FRMPD2: variants seen among roughly 807,000 people sequenced by gnomAD.
FRMPD2 encodes the protein FERM and PDZ domain-containing protein 2.
FRMPD2 carries 96 observed loss-of-function variants against 140.1 expected under a neutral mutation model. That is an observed-to-expected ratio of 0.69 (90% CI 0.58 to 0.81). The LOEUF is 0.81. FRMPD2 is among the 40% of genes least tolerant of loss of function. The pLI, the probability that FRMPD2 is intolerant of heterozygous loss-of-function variation, is 0.00. For synonymous variants in FRMPD2, 449 were observed against 547.6 expected (o/e 0.82, Z 2.52); for missense variants, 1,240 against 1,447.4 (o/e 0.86, Z 2.32).
chr10:48,222,766 G>A (rs556559468), intron 11 of FRMPD2, among the ~76,000 whole-genome samples: 3 of 152,242 alleles, frequency 2.0e-5, no homozygotes, highest in African/African-American at 7.2e-5. Context: ...AAAGACGCAG[G>A]GATCAAACTG....
chr10:48,242,270 G>T lies in FRMPD2; in HGVS notation c.458C>A (p.Ser153Ter), dbSNP rs144037011. Residue 153 changes from serine (S) to a stop codon, truncating the protein, a stop_gained, in exon 5 of 29, where the codon TCG becomes TAG. Transcript: ENST00000374201. LOFTEE classifies it high-confidence loss of function. The part of the protein sequence containing the change: ...DQPHRRCTLQ[S>*]VLEACRVHEK... The stretch of plus-strand genomic sequence containing the variant: ...ATGAACCCGACAAGCTTCCAGAACC[G>T]ACTGCAACGTGCACCGCCTGTGAGG... 41 of 1,613,960 alleles carry T rather than the reference G, an allele frequency of 2.5e-5. No homozygotes were observed. The South Asian group carries it at 4.1e-4, about 16-fold the overall frequency.
At position 48,244,716 on chromosome 10, in the gene FRMPD2, C is replaced by T. The variant is rs984894294; in HGVS notation, c.375+68G>A. The T allele has an allele frequency of 3.3e-6, 4 of 1,213,582 alleles. No individual in the cohort carries two copies. In the African/African-American group the frequency reaches 4.5e-5, roughly 14 times the overall value. 75.2% of individuals were successfully genotyped at this position (1,213,582 alleles called of 1,614,324 possible). A position where few individuals can be genotyped will look rare whatever the true frequency, so the allele number is the denominator to read the frequency against. ...GTGCTCAGTAAATGTGGTCCCTGCC[C>T]AGGAGAAAACCACTAAATAAACCCA... is the stretch of plus-strand genomic sequence containing the variant. On this transcript the variant is annotated intron_variant, in intron 4 of 28. Coordinates refer to ENST00000374201, the MANE Select transcript of FRMPD2 (RefSeq NM_001018071.4).
chr10:48,195,240 G>C (rs1243477996), intron 15 of FRMPD2, among the ~76,000 whole-genome samples: 4 of 152,222 alleles, frequency 2.6e-5, no homozygotes, highest in Non-Finnish European at 4.4e-5. Flanking sequence ...GCTGAGCAAA[G>C]GCCCATGGGC....
intron 2 of FRMPD2, among the ~76,000 whole-genome samples, chr10:48,250,295 C>T (rs1328593353): frequency 6.6e-6 from 1 of 152,242 alleles, no homozygotes; most frequent in African/African-American, 2.4e-5. Flanking sequence ...AGCACAGCTC[C>T]TCCCACAGAT....
intron 9 of FRMPD2, among the ~76,000 whole-genome samples, chr10:48,234,108 G>A (rs182335503): frequency 2.6e-5 from 4 of 152,310 alleles, no homozygotes. Context: ...CAGAGTCATG[G>A]GAAGGGAGCT....
At chr10:48,255,380 CT>C (rs1840468892) in intron 1 of FRMPD2, among the ~76,000 whole-genome samples, 1 of 152,208 alleles carries the variant, frequency 6.6e-6, no homozygotes. Flanking sequence ...TTTCCCTGCC[CT>C]TGATCTTTAG....
At chr10:48,238,551 TAA>T (rs1483543652) in intron 7 of FRMPD2, among the ~76,000 whole-genome samples, 3 of 152,124 alleles carry the variant, frequency 2.0e-5, no homozygotes, top group South Asian at 2.1e-4. Flanking sequence ...ATTGGGAAAA[TAA>T]AGTTTTAAAT....
At position 48,232,014 on chromosome 10, in the gene FRMPD2, A is replaced by C. The variant is rs994338155; in HGVS notation, c.1168+101T>G. 5 of 1,059,362 alleles carry C rather than the reference A, an allele frequency of 4.7e-6. No homozygotes were observed. The Admixed American group carries it at 5.4e-5, about 12-fold the overall frequency. The allele number at this position is 1,059,362 out of a possible 1,614,324, so 65.6% of individuals were successfully genotyped here. A position where few individuals can be genotyped will look rare whatever the true frequency, so the allele number is the denominator to read the frequency against. On this transcript the variant is annotated intron_variant, in intron 10 of 28. Transcript: ENST00000374201. ...CTAGGCATACAAAGGGAGGCACCCAAGTCTCAAACAGTTTTCCCAGAAGAA... is the reference window on the plus strand; with the variant it reads ...CTAGGCATACAAAGGGAGGCACCCACGTCTCAAACAGTTTTCCCAGAAGAA...
intron 15 of FRMPD2, among the ~76,000 whole-genome samples, chr10:48,198,591 G>C (rs560944292): frequency 8.6e-5 from 13 of 151,318 alleles, no homozygotes; most frequent in Non-Finnish European, 1.9e-4. Context: ...TTTTAGAATA[G>C]TTTTTTTTTC....
At chr10:48,223,019 T>C (rs1032665391) in intron 11 of FRMPD2, 104 bp downstream of exon 11, 4 of 1,001,310 alleles carry the variant, frequency 4.0e-6, no homozygotes, top group East Asian at 4.8e-5. Flanking sequence ...GTTATTTGTA[T>C]GTAATTTACA....
intron 10 of FRMPD2, among the ~76,000 whole-genome samples, chr10:48,223,540 C>T (rs572146434): frequency 6.6e-6 from 1 of 152,142 alleles, no homozygotes; most frequent in Non-Finnish European, 1.5e-5. Context: ...TACAAGATGT[C>T]GCTTAATATC....
chr10:48,169,788 G>A (rs1168349190), intron 26 of FRMPD2, among the ~76,000 whole-genome samples: 2 of 91,154 alleles, frequency 2.2e-5, no homozygotes, highest in African/African-American at 8.2e-5. Context: ...CCCATGAGAA[G>A]GAAATAATCT....
intron 1 of FRMPD2, 55 bp downstream of exon 1, chr10:48,274,488 T>G: frequency 1.3e-6 from 2 of 1,544,694 alleles, no homozygotes; most frequent in South Asian, 2.2e-5. Context: ...AGTAAGAAGT[T>G]TGCCCTTTCC....
At position 48,212,022 on chromosome 10, in the gene FRMPD2, C is replaced by G. The variant is rs1417014745; in HGVS notation, c.1543G>C (p.Glu515Gln). ...ERMTALRVQV[E>Q]VSEMHRLSSA... ...CTGAGCCGGTGCATCTCTGAGACTT[C>G]AACCTGGACCCGTAGAGCGGTCATC... Residue 515 changes from glutamate (E) to glutamine (Q), a missense_variant, in exon 13 of 29, where the codon GAA becomes CAA. By Grantham distance (29) the Glu-to-Gln change is conservative. This residue lies in a region of FRMPD2 where 1,161 missense variants were observed against 1,055.9 expected (regional missense o/e 1.10). Coordinates refer to ENST00000374201, the MANE Select transcript of FRMPD2 (RefSeq NM_001018071.4). The G allele has an allele frequency of 6.2e-7, 1 of 1,614,132 alleles. No individual in the cohort carries two copies.
At position 48,249,191 on chromosome 10, in the gene FRMPD2, C is replaced by A; in HGVS notation, c.152-13G>T. ...TAGTCCGAGGAATCTGAAACCAAGCCAGTGATGGGGCTGTAGAGACAGAGC... is the reference window on the plus strand; with the variant it reads ...TAGTCCGAGGAATCTGAAACCAAGCAAGTGATGGGGCTGTAGAGACAGAGC... On this transcript the variant is annotated splice_polypyrimidine_tract_variant and intron_variant, in intron 2 of 28. Transcript: ENST00000374201. The A allele has an allele frequency of 6.2e-7, 1 of 1,612,766 alleles. No homozygotes were observed. The highest frequency in any genetic ancestry group is 8.5e-7 in the Non-Finnish European group (1 of 1,179,192).
intron 1 of FRMPD2, among the ~76,000 whole-genome samples, chr10:48,256,597 G>A (rs1840495550): frequency 6.6e-6 from 1 of 152,132 alleles, no homozygotes; most frequent in African/African-American, 2.4e-5. Flanking sequence ...TCCTGCATTG[G>A]GACAGAGGTT....
intron 1 of FRMPD2, among the ~76,000 whole-genome samples, chr10:48,271,186 G>A (rs866583710): frequency 2.0e-5 from 3 of 152,004 alleles, no homozygotes; most frequent in Non-Finnish European, 4.4e-5. Flanking sequence ...AGCCTTAGAC[G>A]CACCACAACC....
At chr10:48,269,283 A>G (rs1195842383) in intron 1 of FRMPD2, among the ~76,000 whole-genome samples, 1 of 152,146 alleles carries the variant, frequency 6.6e-6, no homozygotes, top group Non-Finnish European at 1.5e-5. Flanking sequence ...ATTGGTATAG[A>G]TTTTTCAGAG....
intron 3 of FRMPD2, among the ~76,000 whole-genome samples, chr10:48,245,955 C>A (rs753508242): frequency 6.6e-6 from 1 of 152,244 alleles, no homozygotes; most frequent in Non-Finnish European, 1.5e-5. Context: ...TGGTTGTTCA[C>A]ATCTCAAGGT....
Sources: allele counts gnomAD v4.1 joint callset (sites outside exome capture counted in the v4.1 genomes callset), GRCh38; gene constraint gnomAD v4.1.1; regional missense constraint gnomAD v4.1.1; transcripts MANE v1.5; gene names NCBI Gene and HGNC (gene_info 2026-07-23, HGNC 2026-07-21).